Variants in KCNMA1 observed in about 807,000 individuals in gnomAD.
KCNMA1 encodes the protein Calcium-activated potassium channel subunit alpha-1.
A neutral mutation model predicts 140.0 loss-of-function variants in KCNMA1; 29 were observed. The observed-to-expected ratio is 0.21, with a 90% CI of 0.15 to 0.28. The LOEUF is 0.28. Among genes scored for constraint, KCNMA1 ranks in the 10% least tolerant of loss-of-function variants. The pLI, the probability that KCNMA1 is intolerant of heterozygous loss-of-function variation, is 1.00. For synonymous variants in KCNMA1, 612 were observed against 611.9 expected (o/e 1.00, Z 0.00); for missense variants, 880 against 1,602.2 (o/e 0.55, Z 7.70).
intron 11 of KCNMA1, 64 bp from the exon 12 acceptor site, chr10:77,084,783 C>T: frequency 8.6e-7 from 1 of 1,156,966 alleles, no homozygotes; most frequent in Non-Finnish European, 1.3e-6. Flanking sequence ...CGAGTGTAGT[C>T]TCTCTCTGTT....
chr10:76,966,800 C>A (rs2074120062), intron 20 of KCNMA1, among the ~76,000 whole-genome samples: 1 of 152,176 alleles, frequency 6.6e-6, no homozygotes, highest in Non-Finnish European at 1.5e-5. Flanking sequence ...GGGTGTGGAG[C>A]CAAATTTATC....
intron 3 of KCNMA1, among the ~76,000 whole-genome samples, chr10:77,235,702 G>A (rs973254292): frequency 1.2e-4 from 19 of 152,198 alleles, no homozygotes; most frequent in Non-Finnish European, 2.8e-4. Context: ...GAATCTGGAA[G>A]CATCCACTTC....
At chr10:77,058,154 C>A (rs1166993237) in intron 14 of KCNMA1, among the ~76,000 whole-genome samples, 2 of 151,754 alleles carry the variant, frequency 1.3e-5, no homozygotes, top group African/African-American at 4.8e-5. Flanking sequence ...GACTTCAGAA[C>A]AAAGAAAATT....
In KCNMA1 at chr10:76,896,179, A is replaced by AC. The variant is rs1378441808; in HGVS notation, c.3148-4461dup. Among the ~76,000 whole-genome samples, 6 of 152,108 alleles carry AC rather than the reference A, an allele frequency of 3.9e-5. No individual in the cohort carries two copies. The South Asian group carries it at 6.2e-4, about 16-fold the overall frequency. On this transcript the variant is annotated intron_variant, in intron 25 of 27. Transcript: ENST00000286628. ...TTATCTGCAACTCCATAAGGCAGAC[A>AC]CCCCCAGAGCAGCCATTTTAGAGGC...
chr10:77,383,029 T>C (rs1250892786), intron 2 of KCNMA1, among the ~76,000 whole-genome samples: 2 of 113,572 alleles, frequency 1.8e-5, no homozygotes, highest in East Asian at 3.1e-4. Flanking sequence ...TATATATATA[T>C]TCCAAGTGGA....
At chr10:77,310,584 A>C (rs2079008580) in intron 2 of KCNMA1, among the ~76,000 whole-genome samples, 1 of 152,262 alleles carries the variant, frequency 6.6e-6, no homozygotes, top group South Asian at 2.1e-4. Context: ...ATCCAAGTCC[A>C]GAGCTCACTT....
intron 2 of KCNMA1, among the ~76,000 whole-genome samples, chr10:77,322,568 G>C (rs1222660832): frequency 1.3e-5 from 2 of 152,220 alleles, no homozygotes; most frequent in Admixed American, 6.5e-5. Context: ...GCGAAGAAAA[G>C]AGTGGACTGG....
intron 12 of KCNMA1, among the ~76,000 whole-genome samples, chr10:77,082,257 G>T (rs1177228171): frequency 6.6e-6 from 1 of 151,700 alleles, no homozygotes; most frequent in Non-Finnish European, 1.5e-5. Flanking sequence ...TTGAACTCCT[G>T]ACCTCGTGAT....
At chr10:77,347,948 T>C (rs954736799) in intron 2 of KCNMA1, among the ~76,000 whole-genome samples, 6 of 152,214 alleles carry the variant, frequency 3.9e-5, no homozygotes, top group African/African-American at 1.2e-4. Context: ...AACTGAGGCA[T>C]GTAATGATTA....
At chr10:77,404,173 T>G in intron 1 of KCNMA1, 150 bp from the exon 2 acceptor site, 2 of 657,224 alleles carry the variant, frequency 3.0e-6, no homozygotes, top group Non-Finnish European at 5.3e-6. Context: ...GGGTAAATTA[T>G]GCCTTTGATT....
At chr10:76,945,691 G>A (rs1163998813) in intron 22 of KCNMA1, among the ~76,000 whole-genome samples, 1 of 152,024 alleles carries the variant, frequency 6.6e-6, no homozygotes, top group Admixed American at 6.6e-5. Context: ...GTATGCAGGA[G>A]GTAAAGAGGC....
At chr10:77,497,892 G>A (rs1487665063) in intron 1 of KCNMA1, among the ~76,000 whole-genome samples, 1 of 152,304 alleles carries the variant, frequency 6.6e-6, no homozygotes, top group South Asian at 2.1e-4. Flanking sequence ...GCAGTGGAGG[G>A]AGAAGGATGC....
chr10:76,972,464 T>G (rs12783818), intron 19 of KCNMA1, among the ~76,000 whole-genome samples: 33,361 of 152,080 alleles, frequency 0.22, 4,001 homozygotes, highest in Non-Finnish European at 0.25. Context: ...CTATAACAAA[T>G]AATCCTCTTT....
intron 5 of KCNMA1, among the ~76,000 whole-genome samples, chr10:77,152,588 G>A (rs540711488): frequency 6.6e-6 from 1 of 152,124 alleles, no homozygotes; most frequent in African/African-American, 2.4e-5. Context: ...AGAGCCTTGC[G>A]ACCAAGGGGT....
At chr10:77,309,400 A>G (rs2078674336) in intron 2 of KCNMA1, 1 of 152,276 alleles carries the variant, frequency 6.6e-6, no homozygotes, top group Admixed American at 6.5e-5. Flanking sequence ...GCCAAGTTCT[A>G]CAAAAGCTAA....
chr10:77,435,388 T>C (rs2097240023), intron 1 of KCNMA1, among the ~76,000 whole-genome samples: 1 of 152,228 alleles, frequency 6.6e-6, no homozygotes, highest in African/African-American at 2.4e-5. Context: ...TATGAAATTC[T>C]AGGTAGATGC....
chr10:77,366,893 T>C (rs2094398186), intron 2 of KCNMA1, among the ~76,000 whole-genome samples: 1 of 152,248 alleles, frequency 6.6e-6, no homozygotes, highest in South Asian at 2.1e-4. Flanking sequence ...TTCTGAAACA[T>C]TCACTATTTC....
At chr10:77,542,886 A>G (rs2060501532) in intron 1 of KCNMA1, among the ~76,000 whole-genome samples, 1 of 152,238 alleles carries the variant, frequency 6.6e-6, no homozygotes, top group Admixed American at 6.5e-5. Flanking sequence ...TTTGCAGAGA[A>G]GCAGACTGTG....
At chr10:77,141,386 T>C (rs1555924) in intron 5 of KCNMA1, among the ~76,000 whole-genome samples, 60,642 of 151,462 alleles carry the variant, frequency 0.4, 13,238 homozygotes, top group East Asian at 0.88. Context: ...CTTTAGGGAG[T>C]GATTAGGTTT....
Sources: gnomAD v4.1 joint callset for allele counts (sites outside exome capture counted in the v4.1 genomes callset) on GRCh38, gnomAD v4.1.1 for gene constraint, MANE v1.5 for transcripts, NCBI Gene and HGNC (gene_info 2026-07-23, HGNC 2026-07-21) for gene names.